The following CEP128 variants were observed in gnomAD, a reference collection of about 807,000 sequenced individuals.
CEP128 encodes the protein centrosomal protein 128kDa.
CEP128 carries 132 observed loss-of-function variants against 156.7 expected under a neutral mutation model. That is an observed-to-expected ratio of 0.84 (90% confidence interval 0.73 to 0.97). The LOEUF (loss-of-function observed/expected upper bound fraction) is 0.97. CEP128 is among the 50% of genes least tolerant of loss of function. CEP128 has a pLI of 0.00. For missense variants in CEP128, 1,252 were observed against 1,281.9 expected, an observed-to-expected ratio of 0.98 and a Z score of 0.36; for synonymous variants, 469 against 448.9, an observed-to-expected ratio of 1.04 and a Z score of -0.57.
intron 19 of CEP128, among the ~76,000 whole-genome samples, chr14:80,738,619 G>C (rs1471675140): frequency 6.6e-6 from 1 of 152,096 alleles, no homozygotes. Context: ...AAATAGGTAA[G>C]TACAGTATAA....
downstream of CEP128, among the ~76,000 whole-genome samples, chr14:80,492,605 T>G (rs1887362113): frequency 6.6e-6 from 1 of 152,180 alleles, no homozygotes; most frequent in Admixed American, 6.5e-5. Flanking sequence ...GACAAAGAGA[T>G]GTACTGTTTC....
intron 13 of CEP128, among the ~76,000 whole-genome samples, chr14:80,815,729 A>G (rs1884812696): frequency 6.6e-6 from 1 of 152,252 alleles, no homozygotes; most frequent in South Asian, 2.1e-4. Flanking sequence ...CACACACAAA[A>G]TGGAATACTA....
chr14:80,656,981 C>T (rs551937797), intron 19 of CEP128, among the ~76,000 whole-genome samples: 2 of 152,220 alleles, frequency 1.3e-5, no homozygotes, highest in South Asian at 2.1e-4. Flanking sequence ...GCATGGTGGC[C>T]GGGCACGGTG....
intron 13 of CEP128, among the ~76,000 whole-genome samples, chr14:80,828,365 C>A (rs190682230): frequency 3.3e-5 from 5 of 152,148 alleles, no homozygotes; most frequent in Non-Finnish European, 7.4e-5. Context: ...TCAAGTGATC[C>A]GCCTGCCTTG....
intron 19 of CEP128, among the ~76,000 whole-genome samples, chr14:80,606,542 C>T (rs1396035529): frequency 6.6e-6 from 1 of 152,036 alleles, no homozygotes; most frequent in African/African-American, 2.4e-5. Context: ...GGGAACAGTA[C>T]ATATAATCAT....
At chr14:80,619,720 A>G (rs536227741) in intron 19 of CEP128, among the ~76,000 whole-genome samples, 16 of 151,854 alleles carry the variant, frequency 1.1e-4, no homozygotes, top group African/African-American at 1.7e-4. Flanking sequence ...AAAAAAAAAA[A>G]AAAGAAAGAA....
At chr14:80,886,757 A>T (rs1202841037) in intron 8 of CEP128, among the ~76,000 whole-genome samples, 1 of 152,232 alleles carries the variant, frequency 6.6e-6, no homozygotes, top group Non-Finnish European at 1.5e-5. Flanking sequence ...TCATAATGAC[A>T]GGATCAAATT....
intron 19 of CEP128, among the ~76,000 whole-genome samples, chr14:80,721,916 T>G (rs1897831637): frequency 6.6e-6 from 1 of 152,174 alleles, no homozygotes; most frequent in South Asian, 2.1e-4. Context: ...TGAATAAACA[T>G]GAATTAAATT....
intron 19 of CEP128, among the ~76,000 whole-genome samples, chr14:80,650,624 T>G (rs2065923034): frequency 6.6e-6 from 1 of 152,204 alleles, no homozygotes; most frequent in South Asian, 2.1e-4. Context: ...GTTTTTAGCA[T>G]GAAGCTGTGC....
chr14:80,891,585 CAAAAAA>C (rs34380899), intron 8 of CEP128, among the ~76,000 whole-genome samples: 1 of 97,126 alleles, frequency 1.0e-5, no homozygotes. Flanking sequence ...TTACTAGGTG[CAAAAAA>C]AAAAAAAAAA....
At position 80,895,793 on chromosome 14, in the gene CEP128, A is replaced by C; in HGVS notation, c.573-3T>G. 2.0e-6 allele frequency: 3 copies of C among 1,464,598 alleles called. No individual in the cohort carries two copies. The highest frequency in any genetic ancestry group is 2.7e-6 in the Non-Finnish European group (3 of 1,117,578). 90.7% of individuals were successfully genotyped at this position (1,464,598 alleles called of 1,614,324 possible). On this transcript the variant is annotated splice_polypyrimidine_tract_variant and splice_region_variant and intron_variant, in intron 7 of 24. Coordinates refer to ENST00000555265, the MANE Select transcript of CEP128 (RefSeq NM_152446.5). ...CCCTTTTTGTTTCGGCATCTGACCT[A>C]GGAAGAAAAAAAAAAAAAAGATTTA... is the stretch of plus-strand genomic sequence containing the variant.
chr14:80,537,453 T>G (rs1889536024), intron 21 of CEP128, among the ~76,000 whole-genome samples: 1 of 152,148 alleles, frequency 6.6e-6, no homozygotes, highest in Admixed American at 6.5e-5. Flanking sequence ...TTTCATATCA[T>G]TCTTGCCACT....
At chr14:80,513,872 G>A (rs1439722996) in intron 23 of CEP128, among the ~76,000 whole-genome samples, 1 of 152,132 alleles carries the variant, frequency 6.6e-6, no homozygotes, top group Non-Finnish European at 1.5e-5. Flanking sequence ...GGGAAAATCT[G>A]CGTCTGTGAA....
At position 80,789,988 on chromosome 14, in the gene CEP128, T is replaced by C. The variant is rs142493459; in HGVS notation, c.1560+2772A>G. Among the ~76,000 whole-genome samples the C allele has an allele frequency of 6.4e-3, 981 of 152,166 alleles. 11 individuals carry two copies. Among genetic ancestry groups the C allele is most frequent in the African/African-American group, 0.022 (934 of 41,518 alleles). On this transcript the variant is annotated intron_variant, in intron 14 of 24. Coordinates refer to ENST00000555265, the MANE Select transcript of CEP128 (RefSeq NM_152446.5). ...TTGAACTGTATGTGATAGGACTCCATATGCATTCAAAAAATCATATACTTT... is the reference window on the plus strand; with the variant it reads ...TTGAACTGTATGTGATAGGACTCCACATGCATTCAAAAAATCATATACTTT...
chr14:80,528,099 T>C (rs991386631), intron 22 of CEP128, among the ~76,000 whole-genome samples: 3 of 151,922 alleles, frequency 2.0e-5, no homozygotes, highest in African/African-American at 7.3e-5. Context: ...GTATTATAAT[T>C]CCAAAGTTCT....
intron 16 of CEP128, among the ~76,000 whole-genome samples, chr14:80,768,583 G>A (rs543831915): frequency 5.3e-5 from 8 of 152,086 alleles, no homozygotes; most frequent in Admixed American, 1.3e-4. Flanking sequence ...GATTAATAGC[G>A]TTAAGAGTAT....
At chr14:80,798,494 G>T (rs1883629775) in intron 13 of CEP128, among the ~76,000 whole-genome samples, 1 of 152,208 alleles carries the variant, frequency 6.6e-6, no homozygotes. Flanking sequence ...AGCTCATTGT[G>T]TCCAAAGTTT....
At chr14:80,601,884 G>T (rs1892595013) in intron 19 of CEP128, among the ~76,000 whole-genome samples, 2 of 151,962 alleles carry the variant, frequency 1.3e-5, no homozygotes, top group Admixed American at 6.6e-5. Context: ...ACACATAACT[G>T]TAATTACATT....
chr14:80,776,147 T>A (rs927676876), intron 16 of CEP128, among the ~76,000 whole-genome samples: 5 of 151,870 alleles, frequency 3.3e-5, no homozygotes, highest in African/African-American at 1.2e-4. Context: ...ATTTTCAACA[T>A]ATCAAATTTT....
Sources: allele counts gnomAD v4.1 joint callset (sites outside exome capture counted in the v4.1 genomes callset), GRCh38; gene constraint gnomAD v4.1.1; transcripts MANE v1.5; gene names NCBI Gene and HGNC (gene_info 2026-07-23, HGNC 2026-07-21).